Variants in TLL1 observed in about 807,000 individuals in gnomAD.
The protein encoded by TLL1 is tolloid like 1, also known as tolloid-like protein 1.
A neutral mutation model predicts 128.2 loss-of-function variants in TLL1; 49 were observed. The observed-to-expected ratio is 0.38, with a 90% confidence interval of 0.30 to 0.48. TLL1 has a LOEUF of 0.48. Among genes scored for constraint, TLL1 ranks in the 20% least tolerant of loss-of-function variants. The probability of loss-of-function intolerance (pLI) is 0.96; values close to 1 mark genes in which losing one functional copy is unlikely to be tolerated. For synonymous variants in TLL1, 454 were observed against 418.8 expected (o/e 1.08, Z -1.03); for missense variants, 1,123 against 1,242.0 (o/e 0.90, Z 1.44).
At chr4:166,062,053 C>A (rs1056306189) in intron 15 of TLL1, among the ~76,000 whole-genome samples, 1 of 152,048 alleles carries the variant, frequency 6.6e-6, no homozygotes, top group Non-Finnish European at 1.5e-5. Flanking sequence ...TTTCTGAGGG[C>A]TCTGTTCTGT....
intron 1 of TLL1, among the ~76,000 whole-genome samples, chr4:165,949,056 T>A (rs1161586305): frequency 6.6e-6 from 1 of 152,100 alleles, no homozygotes; most frequent in Non-Finnish European, 1.5e-5. Context: ...TGAATGGACC[T>A]ACTGTAATTA....
intron 12 of TLL1, among the ~76,000 whole-genome samples, chr4:166,049,523 T>C (rs1428899587): frequency 6.6e-6 from 1 of 152,090 alleles, no homozygotes; most frequent in East Asian, 1.9e-4. Flanking sequence ...CAAAAAATAC[T>C]TGAATCATGA....
chr4:166,052,598 A>T (rs1233718491), intron 12 of TLL1, among the ~76,000 whole-genome samples: 2 of 152,002 alleles, frequency 1.3e-5, no homozygotes, highest in Non-Finnish European at 2.9e-5. Context: ...CCTGGTCATA[A>T]TATTATTTTT....
At chr4:166,027,507 G>A (rs1401045009) in intron 9 of TLL1, among the ~76,000 whole-genome samples, 2 of 152,068 alleles carry the variant, frequency 1.3e-5, no homozygotes, top group Non-Finnish European at 2.9e-5. Flanking sequence ...TAATTTTTAG[G>A]TGCAAAAAGT....
At chr4:165,921,879 TAACTC>T (rs1459544510) in intron 1 of TLL1, among the ~76,000 whole-genome samples, 12 of 152,224 alleles carry the variant, frequency 7.9e-5, no homozygotes, top group Admixed American at 7.2e-4. Context: ...TAGAATAAAG[TAACTC>T]AGAGCAGAAA....
At chr4:166,026,853 G>T (rs1265282517) in intron 9 of TLL1, among the ~76,000 whole-genome samples, 1 of 152,106 alleles carries the variant, frequency 6.6e-6, no homozygotes, top group Non-Finnish European at 1.5e-5. Flanking sequence ...GAGAGTAAAA[G>T]AATCTTTTGA....
chr4:166,072,414 G>C (rs1246030525), intron 16 of TLL1, among the ~76,000 whole-genome samples: 1 of 147,346 alleles, frequency 6.8e-6, no homozygotes, highest in Admixed American at 6.8e-5. Context: ...TTTTCCTTTT[G>C]CTCCTCTTCC....
At chr4:165,994,911 A>G (rs946505007) in intron 4 of TLL1, 150 bp from the exon 5 acceptor site, 17 of 693,020 alleles carry the variant, frequency 2.5e-5, no homozygotes, top group African/African-American at 5.3e-5. Context: ...CTTAACAATG[A>G]CTCATTTGTG....
chr4:166,045,418 A>G (rs1393233136), intron 12 of TLL1, among the ~76,000 whole-genome samples: 1 of 152,088 alleles, frequency 6.6e-6, no homozygotes, highest in Non-Finnish European at 1.5e-5. Context: ...CCTGCAGCCA[A>G]TCTATCAGCA....
chr4:165,893,112 A>G (rs747199023), intron 1 of TLL1, among the ~76,000 whole-genome samples: 1 of 152,170 alleles, frequency 6.6e-6, no homozygotes, highest in Non-Finnish European at 1.5e-5. Flanking sequence ...TTTGTAATTG[A>G]GTGTTTGCTA....
Position 166,055,138 on chromosome 4 carries a change from T to C in TLL1, c.1587T>C (p.Asn529=). The C allele has an allele frequency of 6.2e-7, 1 of 1,613,366 alleles. No individual in the cohort carries two copies. The change falls in exon 13 of 21, where the codon AAT becomes AAC. Residue 529 remains asparagine (N), a synonymous_variant. Coordinates refer to ENST00000061240, the MANE Select transcript of TLL1 (RefSeq NM_012464.5). Reference sequence around the variant, plus strand: ...AAGTTAGAGATGGAACCAGTGAAAATAGCCCTTTGATAGGGCGTTTCTGTG... The same window carrying C: ...AAGTTAGAGATGGAACCAGTGAAAACAGCCCTTTGATAGGGCGTTTCTGTG... ...YLEVRDGTSE[N]SPLIGRFCGY...
chr4:165,878,920 CTTTTTTTTTTTTTTTTT>C (rs140447889), intron 1 of TLL1, among the ~76,000 whole-genome samples: 2 of 60,460 alleles, frequency 3.3e-5, no homozygotes, highest in South Asian at 1.1e-3. Flanking sequence ...TGATGGCTTC[CTTTTTTTTTTTTTTTTT>C]TTTTTTTTTT....
chr4:165,946,893 GA>G (rs1734276058), intron 1 of TLL1, among the ~76,000 whole-genome samples: 1 of 152,040 alleles, frequency 6.6e-6, no homozygotes, highest in South Asian at 2.1e-4. Context: ...GGAAACTGGA[GA>G]AAGAGGAACA....
intron 19 of TLL1, among the ~76,000 whole-genome samples, chr4:166,095,462 G>A (rs1015143458): frequency 8.6e-5 from 13 of 151,600 alleles, no homozygotes; most frequent in African/African-American, 3.1e-4. Flanking sequence ...CTACAAAACA[G>A]AAAAACAGGA....
intron 1 of TLL1, among the ~76,000 whole-genome samples, chr4:165,890,375 C>A (rs1248123271): frequency 6.6e-6 from 1 of 152,194 alleles, no homozygotes; most frequent in African/African-American, 2.4e-5. Context: ...CCATCATTAA[C>A]TCAAAAGTCC....
chr4:165,954,756 A>G (rs1734697081), intron 1 of TLL1, among the ~76,000 whole-genome samples: 1 of 152,132 alleles, frequency 6.6e-6, no homozygotes, highest in African/African-American at 2.4e-5. Flanking sequence ...AATATAAACT[A>G]TGGTCAAACC....
intron 2 of TLL1, 115 bp from the exon 3 acceptor site, chr4:165,992,689 C>CT: frequency 1.0e-6 from 1 of 953,194 alleles, no homozygotes; most frequent in Non-Finnish European, 1.7e-6. Flanking sequence ...AATTTCAACA[C>CT]TTTAAGACCA....
chr4:165,882,881 G>A (rs1367279268), intron 1 of TLL1, among the ~76,000 whole-genome samples: 1 of 151,832 alleles, frequency 6.6e-6, no homozygotes, highest in Non-Finnish European at 1.5e-5. Flanking sequence ...GCTTCTACTT[G>A]GGAAGAGATT....
chr4:166,014,348 G>A, intron 7 of TLL1, 88 bp from the exon 8 acceptor site: 1 of 1,591,672 alleles, frequency 6.3e-7, no homozygotes, highest in Non-Finnish European at 8.6e-7. Context: ...TGATTGACTT[G>A]AGTTTGAAAT....
Sources: allele counts gnomAD v4.1 joint callset (sites outside exome capture counted in the v4.1 genomes callset), GRCh38; gene constraint gnomAD v4.1.1; transcripts MANE v1.5; gene names NCBI Gene and HGNC (gene_info 2026-07-23, HGNC 2026-07-21).